Variants in DMXL2 observed in about 807,000 individuals in gnomAD.
DMXL2 encodes the protein dmX-like protein 2.
A neutral mutation model predicts 331.1 loss-of-function variants in DMXL2; 103 were observed. That is an observed-to-expected ratio of 0.31 (90% confidence interval 0.27 to 0.37). The LOEUF is 0.37. Ranked by LOEUF, DMXL2 falls within the 10% of genes least tolerant of loss-of-function variation. The pLI, the probability that DMXL2 is intolerant of heterozygous loss-of-function variation, is 1.00. For synonymous variants in DMXL2, 1,281 were observed against 1,252.1 expected (o/e 1.02, Z -0.49); for missense variants, 3,171 against 3,642.9 (o/e 0.87, Z 3.33).
intron 1 of DMXL2, among the ~76,000 whole-genome samples, chr15:51,576,792 G>A (rs985613076): frequency 6.6e-6 from 1 of 151,898 alleles, no homozygotes. Context: ...CAGGCCTGAG[G>A]GAGAAAGGAA....
intron 8 of DMXL2, 27 bp from the exon 9 acceptor site, chr15:51,542,534 C>T (rs1361462697): frequency 6.4e-7 from 1 of 1,573,194 alleles, no homozygotes; most frequent in African/African-American, 1.4e-5. Context: ...GTTGCTGAGT[C>T]CAACTCTGGA....
intron 29 of DMXL2, among the ~76,000 whole-genome samples, chr15:51,467,755 C>T (rs374399653): frequency 2.7e-5 from 4 of 146,190 alleles, no homozygotes; most frequent in African/African-American, 5.1e-5. Flanking sequence ...GAGACGGAGT[C>T]TCACTCTGTT....
At chr15:51,500,988 A>G (rs1435556811) in intron 17 of DMXL2, among the ~76,000 whole-genome samples, 1 of 152,236 alleles carries the variant, frequency 6.6e-6, no homozygotes, top group Non-Finnish European at 1.5e-5. Context: ...AATTGGGATC[A>G]GTTACTGTTT....
intron 6 of DMXL2, among the ~76,000 whole-genome samples, chr15:51,558,904 T>A (rs573273528): frequency 6.6e-6 from 1 of 152,386 alleles, no homozygotes; most frequent in East Asian, 1.9e-4. Flanking sequence ...ACGTATTTTT[T>A]AATATCTTGA....
chr15:51,616,482 T>C (rs777907829), intron 1 of DMXL2, among the ~76,000 whole-genome samples: 8 of 152,224 alleles, frequency 5.3e-5, no homozygotes, highest in Non-Finnish European at 7.3e-5. Context: ...AATATAGTCA[T>C]GTCACCTTTG....
intron 28 of DMXL2, among the ~76,000 whole-genome samples, chr15:51,471,659 C>T (rs866779343): frequency 3.3e-5 from 5 of 152,232 alleles, no homozygotes; most frequent in Middle Eastern, 3.4e-3. Flanking sequence ...ATATAAAATA[C>T]ACTAAATAAG....
At chr15:51,552,147 G>A (rs2049261858) in intron 6 of DMXL2, among the ~76,000 whole-genome samples, 1 of 152,178 alleles carries the variant, frequency 6.6e-6, no homozygotes, top group African/African-American at 2.4e-5. Context: ...CATTAAGGTG[G>A]GAATGAAGCT....
At chr15:51,523,900 G>A (rs1351319915) in intron 13 of DMXL2, among the ~76,000 whole-genome samples, 1 of 152,300 alleles carries the variant, frequency 6.6e-6, no homozygotes, top group East Asian at 1.9e-4. Context: ...GCAATACCTC[G>A]CTCTCAAGAC....
At position 51,448,673 on chromosome 15, in the gene DMXL2, C is replaced by T. The variant is rs375021789; in HGVS notation, c.*311G>A. On this transcript the variant is annotated 3_prime_UTR_variant, in exon 44 of 44. Coordinates refer to ENST00000560891, the MANE Select transcript of DMXL2 (RefSeq NM_001378457.1). The stretch of plus-strand genomic sequence containing the variant: ...ATTTTCTTCCTTAATTTGGTATAAA[C>T]GTCCTTTTCATTATTTCAAGTTACT... The T allele has an allele frequency of 1.8e-5, 6 of 342,608 alleles. No individual in the cohort carries two copies. Among genetic ancestry groups the T allele is most frequent in the African/African-American group, 8.3e-5 (4 of 48,106 alleles). The allele number at this position is 342,608 out of a possible 1,614,324, so 21.2% of individuals were successfully genotyped here. A position where few individuals can be genotyped will look rare whatever the true frequency, so the allele number is the denominator to read the frequency against.
chr15:51,612,644 A>C (rs2054050451), intron 1 of DMXL2, among the ~76,000 whole-genome samples: 1 of 152,216 alleles, frequency 6.6e-6, no homozygotes, highest in Non-Finnish European at 1.5e-5. Flanking sequence ...ACAAGGTAAT[A>C]AAATATCACA....
chr15:51,450,029 A>G, intron 43 of DMXL2, 100 bp downstream of exon 43: 4 of 1,088,762 alleles, frequency 3.7e-6, no homozygotes, highest in Non-Finnish European at 5.3e-6. Context: ...CAGTAGCCCA[A>G]GTGAAATAAA....
intron 8 of DMXL2, among the ~76,000 whole-genome samples, chr15:51,544,742 G>C (rs953912639): frequency 2.0e-5 from 3 of 152,032 alleles, no homozygotes; most frequent in South Asian, 2.1e-4. Flanking sequence ...AACTTATAAA[G>C]TATTACTGCA....
chr15:51,573,780 C>T (rs1250497656), intron 2 of DMXL2, among the ~76,000 whole-genome samples: 1 of 151,886 alleles, frequency 6.6e-6, no homozygotes, highest in Non-Finnish European at 1.5e-5. Flanking sequence ...CACCATGGCA[C>T]GTGTATACCT....
At position 51,488,130 on chromosome 15, in the gene DMXL2, A is replaced by G. The variant is rs771740440; in HGVS notation, c.5052-11T>C. On this transcript the variant is annotated splice_polypyrimidine_tract_variant and intron_variant, in intron 21 of 43. Coordinates refer to ENST00000560891, the MANE Select transcript of DMXL2 (RefSeq NM_001378457.1). The stretch of plus-strand genomic sequence containing the variant: ...TCATCATGCTGTGACCTGGGGACCG[A>G]GCATAAACATAAAGTGGTTAAACCA... 255 of 1,582,204 alleles carry G rather than the reference A, an allele frequency of 1.6e-4. No individual in the cohort carries two copies. The Admixed American group carries it at 4.7e-3, about 29-fold the overall frequency.
intron 36 of DMXL2, 124 bp downstream of exon 36, chr15:51,458,382 T>A: frequency 9.6e-7 from 1 of 1,039,420 alleles, no homozygotes; most frequent in East Asian, 2.5e-5. Context: ...ACCAATTATA[T>A]TTGTCACCTA....
intron 2 of DMXL2, among the ~76,000 whole-genome samples, chr15:51,573,604 C>T (rs1567136738): frequency 6.6e-6 from 1 of 152,002 alleles, no homozygotes; most frequent in Non-Finnish European, 1.5e-5. Context: ...AAACAGAAAA[C>T]CAAACAATAT....
chr15:51,532,243 C>A (rs1429134981), intron 13 of DMXL2, among the ~76,000 whole-genome samples: 3 of 151,544 alleles, frequency 2.0e-5, no homozygotes, highest in South Asian at 4.2e-4. Context: ...AAGGATGGAA[C>A]TGGAGGTCGT....
chr15:51,483,525 A>G (rs1325492520), intron 23 of DMXL2, among the ~76,000 whole-genome samples: 1 of 152,174 alleles, frequency 6.6e-6, no homozygotes, highest in Admixed American at 6.5e-5. Flanking sequence ...CCCTTGAGCC[A>G]GCCAAACCAC....
rs753569050 is a variant in DMXL2 at position 51,495,015 on chromosome 15, G to A, written c.4783+9C>T. On this transcript the variant is annotated intron_variant, in intron 19 of 43. Transcript: ENST00000560891. ...AGTTGTGCAAAGCTTCAAACAGTGAGTGAATTACCTTGATGAAGTAGCTGC... is the reference window on the plus strand; with the variant it reads ...AGTTGTGCAAAGCTTCAAACAGTGAATGAATTACCTTGATGAAGTAGCTGC... 4 of 1,600,194 alleles carry A rather than the reference G, an allele frequency of 2.5e-6. No individual in the cohort carries two copies. Among genetic ancestry groups the A allele is most frequent in the Non-Finnish European group, 3.4e-6 (4 of 1,168,368 alleles).
Sources: gnomAD v4.1 joint callset for allele counts (sites outside exome capture counted in the v4.1 genomes callset) on GRCh38, gnomAD v4.1.1 for gene constraint, MANE v1.5 for transcripts, NCBI Gene and HGNC (gene_info 2026-07-23, HGNC 2026-07-21) for gene names.